The following TTLL5 variants were observed in gnomAD, a reference collection of about 807,000 sequenced individuals.
TTLL5 encodes tubulin tyrosine ligase like 5, also known as tubulin polyglutamylase TTLL5.
A neutral mutation model predicts 168.4 loss-of-function variants in TTLL5; 132 were observed. That is an observed-to-expected ratio of 0.78 (90% confidence interval 0.68 to 0.91). The LOEUF is 0.91. TTLL5 is among the 40% of genes least tolerant of loss of function. The pLI is 0.00. For missense variants in TTLL5, 1,545 were observed against 1,581.5 expected, an observed-to-expected ratio of 0.98 and a Z score of 0.39; for synonymous variants, 546 against 558.6, an observed-to-expected ratio of 0.98 and a Z score of 0.32.
intron 22 of TTLL5, 87 bp downstream of exon 22, chr14:75,775,717 G>C: frequency 7.4e-6 from 11 of 1,494,740 alleles, no homozygotes; most frequent in Non-Finnish European, 1.0e-5. Context: ...CAACTGGATG[G>C]AGACACTCTT....
intron 9 of TTLL5, 76 bp downstream of exon 9, chr14:75,707,783 A>T: frequency 1.7e-6 from 2 of 1,200,482 alleles, no homozygotes; most frequent in Non-Finnish European, 2.4e-6. Flanking sequence ...ATCCATTAAC[A>T]AGTTTATTAA....
At chr14:75,823,416 A>T (rs1184613181) in intron 28 of TTLL5, among the ~76,000 whole-genome samples, 2 of 152,040 alleles carry the variant, frequency 1.3e-5, no homozygotes, top group Non-Finnish European at 2.9e-5. Context: ...TCTTTGTGAG[A>T]CATGGAAGGG....
chr14:75,685,715 A>G (rs1256507938), intron 5 of TTLL5, among the ~76,000 whole-genome samples: 1 of 152,190 alleles, frequency 6.6e-6, no homozygotes, highest in African/African-American at 2.4e-5. Context: ...CCATCTCTAG[A>G]GAAGGTGTAT....
intron 31 of TTLL5, among the ~76,000 whole-genome samples, chr14:75,934,699 A>G (rs1424884758): frequency 1.3e-5 from 2 of 152,224 alleles, no homozygotes; most frequent in Non-Finnish European, 2.9e-5. Flanking sequence ...ATGTAATCTT[A>G]TGTATGGAAA....
chr14:75,685,881 A>C (rs1885008567), intron 5 of TTLL5, among the ~76,000 whole-genome samples: 3 of 152,190 alleles, frequency 2.0e-5, no homozygotes, highest in Non-Finnish European at 4.4e-5. Context: ...GACCATCTGT[A>C]TCAGAATCTT....
intron 2 of TTLL5, among the ~76,000 whole-genome samples, chr14:75,664,735 A>G (rs746446655): frequency 1.3e-5 from 2 of 152,174 alleles, no homozygotes; most frequent in Non-Finnish European, 2.9e-5. Flanking sequence ...CCCTCTGGTT[A>G]CTTTCCCTTC....
At chr14:75,890,830 C>T (rs553685439) in intron 30 of TTLL5, among the ~76,000 whole-genome samples, 1 of 152,314 alleles carries the variant, frequency 6.6e-6, no homozygotes, top group African/African-American at 2.4e-5. Flanking sequence ...AGCGATACTC[C>T]TGCCTCAGCC....
At chr14:75,908,541 G>A (rs567053220) in intron 31 of TTLL5, among the ~76,000 whole-genome samples, 32 of 152,326 alleles carry the variant, frequency 2.1e-4, no homozygotes, top group African/African-American at 7.5e-4. Context: ...TAGAGAATTT[G>A]AGTTGTGTTT....
chr14:75,788,743 C>G lies in TTLL5; in HGVS notation c.2987-4173C>G, dbSNP rs542720146. The stretch of plus-strand genomic sequence containing the variant: ...TGTGGAAAAAGAGAATTTTCCTCAA[C>G]TTATTCTGTATGGCTAGTTTTATCT... On this transcript the variant is annotated intron_variant, in intron 26 of 31. Coordinates refer to ENST00000298832, the MANE Select transcript of TTLL5 (RefSeq NM_015072.5). 8.0e-4 allele frequency among the ~76,000 whole-genome samples: 122 copies of G among 152,224 alleles called. 1 individual carries two copies. The highest frequency in any genetic ancestry group is 1.5e-3 in the Non-Finnish European group (100 of 67,972).
At chr14:75,903,552 G>T (rs1390010400) in intron 31 of TTLL5, among the ~76,000 whole-genome samples, 1 of 151,980 alleles carries the variant, frequency 6.6e-6, no homozygotes, top group Non-Finnish European at 1.5e-5. Context: ...GCAGGAGGGG[G>T]CTGGGTGGCT....
At chr14:75,787,443 CAGTCA>C (rs1892434529) in intron 26 of TTLL5, among the ~76,000 whole-genome samples, 1 of 152,122 alleles carries the variant, frequency 6.6e-6, no homozygotes, top group Non-Finnish European at 1.5e-5. Flanking sequence ...AGGTTCAGTT[CAGTCA>C]AAAGTTAAAC....
intron 27 of TTLL5, among the ~76,000 whole-genome samples, chr14:75,798,903 A>G (rs1405751635): frequency 6.6e-6 from 1 of 152,160 alleles, no homozygotes; most frequent in African/African-American, 2.4e-5. Flanking sequence ...ATCTTGGAGA[A>G]TATTTCATGT....
intron 23 of TTLL5, 64 bp downstream of exon 23, chr14:75,776,914 C>T: frequency 7.8e-7 from 1 of 1,282,212 alleles, no homozygotes; most frequent in Non-Finnish European, 1.1e-6. Context: ...TCATTGAGTA[C>T]CCAGCATTCC....
At chr14:75,756,260 C>CA (rs1306386584) in intron 18 of TTLL5, among the ~76,000 whole-genome samples, 36 of 150,448 alleles carry the variant, frequency 2.4e-4, no homozygotes, top group East Asian at 7.8e-4. Flanking sequence ...TGTCTCTTTA[C>CA]AAAAAAAAAT....
At chr14:75,672,695 A>G (rs1883839459) in intron 3 of TTLL5, among the ~76,000 whole-genome samples, 3 of 151,998 alleles carry the variant, frequency 2.0e-5, no homozygotes, top group African/African-American at 4.8e-5. Flanking sequence ...CTGTAGGTCT[A>G]TTCATATTTT....
chr14:75,740,354 G>A (rs1454989592), intron 15 of TTLL5, among the ~76,000 whole-genome samples: 6 of 151,930 alleles, frequency 3.9e-5, no homozygotes, highest in Non-Finnish European at 5.9e-5. Flanking sequence ...CTAGGGATTC[G>A]AGTTAGGTTT....
At chr14:75,775,330 T>G (rs1200761557) in intron 21 of TTLL5, among the ~76,000 whole-genome samples, 154 bp from the exon 22 acceptor site, 2 of 152,204 alleles carry the variant, frequency 1.3e-5, no homozygotes, top group African/African-American at 4.8e-5. Flanking sequence ...TCTGTATGCT[T>G]CTTATACCTA....
At chr14:75,935,357 C>G (rs1425163505) in intron 31 of TTLL5, among the ~76,000 whole-genome samples, 2 of 152,190 alleles carry the variant, frequency 1.3e-5, no homozygotes, top group African/African-American at 4.8e-5. Flanking sequence ...AATAACATCT[C>G]CACGTATTCA....
chr14:75,932,729 A>G lies in TTLL5; in HGVS notation c.3824-21695A>G, dbSNP rs150328842. 5.3e-4 allele frequency among the ~76,000 whole-genome samples: 80 copies of G among 152,274 alleles called. 1 individual carries two copies. Among genetic ancestry groups the G allele is most frequent in the African/African-American group, 1.8e-3 (76 of 41,546 alleles). On this transcript the variant is annotated intron_variant, in intron 31 of 31. Coordinates refer to ENST00000298832, the MANE Select transcript of TTLL5 (RefSeq NM_015072.5). ...CTCCAGACTGTTTTGTCACTGTGAA[A>G]TGGAAATACGTTCATTTAGAAATAT...
Sources: allele counts gnomAD v4.1 joint callset (sites outside exome capture counted in the v4.1 genomes callset), GRCh38; gene constraint gnomAD v4.1.1; transcripts MANE v1.5; gene names NCBI Gene and HGNC (gene_info 2026-07-23, HGNC 2026-07-21).